CTNNA2: variants seen among roughly 807,000 people sequenced by gnomAD.
CTNNA2 encodes the protein catenin alpha-2.
Under a neutral mutation model 101.0 loss-of-function variants are expected in CTNNA2, and 42 were observed. The ratio of observed to expected loss-of-function variants is 0.42; its 90% CI spans 0.32 to 0.54. The LOEUF is 0.54. CTNNA2 is among the 20% of genes least tolerant of loss of function. The probability of loss-of-function intolerance (pLI) is 0.14; values close to 1 mark genes in which losing one functional copy is unlikely to be tolerated. For missense variants in CTNNA2, 871 were observed against 1,223.1 expected, an observed-to-expected ratio of 0.71 and a Z score of 4.29; for synonymous variants, 450 against 456.4, an observed-to-expected ratio of 0.99 and a Z score of 0.18.
intron 12 of CTNNA2, among the ~76,000 whole-genome samples, chr2:80,568,747 C>T (rs907209263): frequency 6.6e-6 from 1 of 152,140 alleles, no homozygotes; most frequent in African/African-American, 2.4e-5. Flanking sequence ...CGAGTATGTA[C>T]ATTTCAGTAT....
intron 2 of CTNNA2, among the ~76,000 whole-genome samples, chr2:79,243,735 T>G (rs1674663629): frequency 6.6e-6 from 1 of 152,030 alleles, no homozygotes; most frequent in Non-Finnish European, 1.5e-5. Context: ...CCTATGGAAG[T>G]CCCCTTTAAG....
intron 7 of CTNNA2, among the ~76,000 whole-genome samples, chr2:80,317,931 A>G (rs1040468200): frequency 6.6e-5 from 10 of 152,056 alleles, no homozygotes; most frequent in Non-Finnish European, 1.2e-4. Context: ...CTCTAAATAA[A>G]TGATGCCTAT....
At chr2:79,206,178 C>T (rs900090598) in intron 2 of CTNNA2, among the ~76,000 whole-genome samples, 11 of 151,824 alleles carry the variant, frequency 7.2e-5, no homozygotes, top group Non-Finnish European at 1.6e-4. Context: ...AATTGGATTC[C>T]TCACCCAGAA....
At position 80,488,021 on chromosome 2, in the gene CTNNA2, A is replaced by C. The variant is rs190584963; in HGVS notation, c.1291-56961A>C. 9.8e-5 allele frequency among the ~76,000 whole-genome samples: 15 copies of C among 152,342 alleles called. No individual in the cohort carries two copies. In the East Asian group the frequency reaches 1.7e-3, roughly 18 times the overall value. On this transcript the variant is annotated intron_variant, in intron 9 of 18. Coordinates refer to ENST00000402739, the MANE Select transcript of CTNNA2 (RefSeq NM_001282597.3). The stretch of plus-strand genomic sequence containing the variant: ...TTTCTGATGACTTGTATTGTTTTAA[A>C]GCTAAGGAAATTATTTGAATATCCC...
At chr2:80,493,754 A>G (rs1269110182) in intron 9 of CTNNA2, among the ~76,000 whole-genome samples, 2 of 152,220 alleles carry the variant, frequency 1.3e-5, no homozygotes, top group Admixed American at 1.3e-4. Flanking sequence ...TTGGTTTCCA[A>G]CACAGAACAT....
intron 1 of CTNNA2, among the ~76,000 whole-genome samples, chr2:79,540,135 T>G (rs1673318493): frequency 6.6e-6 from 1 of 152,118 alleles, no homozygotes; most frequent in South Asian, 2.1e-4. Flanking sequence ...ATAATTAAAC[T>G]TATATCACAA....
intron 9 of CTNNA2, 119 bp from the exon 10 acceptor site, chr2:80,544,863 T>C (rs1691902213): frequency 1.3e-6 from 1 of 795,398 alleles, no homozygotes; most frequent in Non-Finnish European, 2.0e-6. Context: ...GGTACCCTTA[T>C]CTTATTTCTG....
chr2:79,830,358 G>T (rs938757343), intron 3 of CTNNA2, among the ~76,000 whole-genome samples: 35 of 152,184 alleles, frequency 2.3e-4, no homozygotes, highest in African/African-American at 8.4e-4. Context: ...TTCTGGGGAG[G>T]ATGGGCCACG....
chr2:79,965,649 C>T (rs188035462), intron 7 of CTNNA2, among the ~76,000 whole-genome samples: 57 of 151,784 alleles, frequency 3.8e-4, no homozygotes, highest in Non-Finnish European at 6.2e-4. Flanking sequence ...CATAGAGAAA[C>T]GCTGTCTCTA....
At chr2:80,523,022 T>A (rs1474300765) in intron 9 of CTNNA2, among the ~76,000 whole-genome samples, 1 of 152,076 alleles carries the variant, frequency 6.6e-6, no homozygotes, top group Non-Finnish European at 1.5e-5. Flanking sequence ...CTCAGAAAAT[T>A]ACATAAAGGT....
rs375548303 is a variant in CTNNA2, at chr2:79,434,383, C to G, written c.-135+60370C>G. 6.6e-5 allele frequency among the ~76,000 whole-genome samples: 10 copies of G among 151,106 alleles called. No individual in the cohort carries two copies. The South Asian group carries it at 2.1e-3, about 32-fold the overall frequency. ...AGAATGAAAAAGAGAACATTCTAGA[C>G]AGAAAATTGGAATTTGGAACTTGTA... On this transcript the variant is annotated intron_variant, in intron 4 of 21. Coordinates refer to the CTNNA2 transcript ENST00000466387.
chr2:80,041,076 AAT>A (rs1202525548), intron 7 of CTNNA2, among the ~76,000 whole-genome samples: 1 of 152,066 alleles, frequency 6.6e-6, no homozygotes, highest in Non-Finnish European at 1.5e-5. Flanking sequence ...AAAATGAAAA[AAT>A]ATATATGTCA....
At position 80,619,107 on chromosome 2, in the gene CTNNA2, C is replaced by T; in HGVS notation, c.2453C>T (p.Thr818Ile). The T allele has an allele frequency of 6.5e-7, 1 of 1,534,266 alleles. No individual in the cohort carries two copies. Among genetic ancestry groups the T allele is most frequent in the Non-Finnish European group, 8.8e-7 (1 of 1,137,964 alleles). ...VSGTGVQSTF[T>I]TFYEVDCDVI... ...CAGACAGGAGTTCAGAGCACTTTCA[C>T]TACCTTTTATGAGGTAGATTGTGAT... Residue 818 changes from threonine to isoleucine, a missense_variant, in exon 18 of 19, where the codon ACT becomes ATT. Physicochemically the swap from Thr to Ile is moderately conservative, Grantham distance 89. This residue lies in a region of CTNNA2 where 65 missense variants were observed against 53.3 expected (regional missense o/e 1.22). Transcript: ENST00000402739.
chr2:80,041,419 C>T (rs1045367797), intron 7 of CTNNA2, among the ~76,000 whole-genome samples: 1 of 152,002 alleles, frequency 6.6e-6, no homozygotes, highest in African/African-American at 2.4e-5. Context: ...AATCTATTTG[C>T]TTTGTGCTGT....
At chr2:79,806,131 A>G (rs992452384) in intron 3 of CTNNA2, among the ~76,000 whole-genome samples, 1 of 152,140 alleles carries the variant, frequency 6.6e-6, no homozygotes. Context: ...CTATAGATTC[A>G]AATGCCATGT....
chr2:79,828,732 G>T (rs1678635228), intron 3 of CTNNA2, among the ~76,000 whole-genome samples: 1 of 152,214 alleles, frequency 6.6e-6, no homozygotes, highest in African/African-American at 2.4e-5. Flanking sequence ...ATTAGCTCTG[G>T]TTTTCAATGC....
rs558806990 is a variant in CTNNA2, at chr2:80,612,406, A to G, written c.2430+4088A>G. ...CTCTACCTGACACTGTCATATATTC[A>G]AAGATGCATATGTGCATACAAACAT... On this transcript the variant is annotated intron_variant, in intron 17 of 18. Coordinates refer to ENST00000402739, the MANE Select transcript of CTNNA2 (RefSeq NM_001282597.3). 2.8e-4 allele frequency among the ~76,000 whole-genome samples: 43 copies of G among 151,796 alleles called. No individual in the cohort carries two copies. In the South Asian group the frequency reaches 8.9e-3, roughly 31 times the overall value.
intron 4 of CTNNA2, among the ~76,000 whole-genome samples, chr2:79,416,266 T>TTTTC (rs1558662106): frequency 4.3e-5 from 6 of 140,066 alleles, no homozygotes; most frequent in African/African-American, 1.7e-4. Flanking sequence ...TCTTTTTTTT[T>TTTTC]TTTTTTTTTT....
chr2:80,640,008 A>G (rs1009914200), intron 18 of CTNNA2, among the ~76,000 whole-genome samples: 4 of 152,114 alleles, frequency 2.6e-5, no homozygotes, highest in African/African-American at 9.7e-5. Context: ...AGGCTGAGGT[A>G]GGAGAATCGC....
Sources: gnomAD v4.1 joint callset for allele counts (sites outside exome capture counted in the v4.1 genomes callset) on GRCh38, gnomAD v4.1.1 for gene constraint, gnomAD v4.1.1 regional missense constraint, MANE v1.5 for transcripts, NCBI Gene and HGNC (gene_info 2026-07-23, HGNC 2026-07-21) for gene names.